Variants in NUMA1 observed in about 807,000 individuals in gnomAD.
The protein encoded by NUMA1 is nuclear mitotic apparatus protein 1, also known as SP-H antigen.
Under a neutral mutation model 237.1 loss-of-function variants are expected in NUMA1, and 62 were observed. That is an observed-to-expected ratio of 0.26 (90% CI 0.21 to 0.32). The LOEUF (loss-of-function observed/expected upper bound fraction) is 0.32. Among genes scored for constraint, NUMA1 ranks in the 10% least tolerant of loss-of-function variants. NUMA1 has a pLI of 1.00. For missense variants in NUMA1, 2,533 were observed against 2,666.5 expected (o/e 0.95, Z 1.10); for synonymous variants, 1,028 against 1,066.1 (o/e 0.96, Z 0.70).
At chr11:72,037,073 T>G (rs1243131804) in intron 2 of NUMA1, among the ~76,000 whole-genome samples, 1 of 152,236 alleles carries the variant, frequency 6.6e-6, no homozygotes, top group Non-Finnish European at 1.5e-5. Flanking sequence ...ACACCATTCT[T>G]GCCCAGAAGG....
Position 72,003,258 on chromosome 11 carries a change from G to T in NUMA1, c.*269C>A. ...AACCAGCCTCAAATCTGGTTGTGAT[G>T]GAGAAGTGACTTTGCTTTAAGAAAA... On this transcript the variant is annotated 3_prime_UTR_variant, in exon 27 of 27. Transcript: ENST00000393695. The T allele has an allele frequency of 1.9e-6, 1 of 517,672 alleles. No homozygotes were observed. The highest frequency in any genetic ancestry group is 3.5e-6 in the Non-Finnish European group (1 of 287,532). The allele number at this position is 517,672 out of a possible 1,614,324, so 32.1% of individuals were successfully genotyped here.
intron 2 of NUMA1, among the ~76,000 whole-genome samples, chr11:72,047,443 A>G (rs1189682403): frequency 6.6e-6 from 1 of 152,060 alleles, no homozygotes; most frequent in Non-Finnish European, 1.5e-5. Context: ...AGCTATGATC[A>G]TGCCACTGCA....
Position 72,017,765 on chromosome 11 carries a change from C to G in NUMA1, c.1041G>C (p.Glu347Asp). Residue 347 changes from glutamate (E) to aspartate (D), a missense_variant, in exon 13 of 27, where the codon GAG becomes GAC. This residue lies in a region of NUMA1 where 1,414 missense variants were observed against 1,508.1 expected (regional missense o/e 0.94). Transcript: ENST00000393695. ...GCCACTCCTGAGTGGCCTTGCTGTGCTCCTCCGTCAGCTCATTGAGGGCAT... is the reference window on the plus strand; with the variant it reads ...GCCACTCCTGAGTGGCCTTGCTGTGGTCCTCCGTCAGCTCATTGAGGGCAT... ...LQDALNELTE[E>D]HSKATQEWLE... The G allele has an allele frequency of 6.2e-7, 1 of 1,613,232 alleles. No individual in the cohort carries two copies. The highest frequency in any genetic ancestry group is 8.5e-7 in the Non-Finnish European group (1 of 1,179,868).
rs58179034 is a variant in NUMA1, at chr11:72,073,306, C to CAA, written c.-102-3397_-102-3396dup. On this transcript the variant is annotated intron_variant, in intron 1 of 26. Coordinates refer to ENST00000393695, the MANE Select transcript of NUMA1 (RefSeq NM_006185.4). ...TGGGTGACAGAGCGAGACCCTGTCTCAAAAAAAAAAAAAAAAAAGTTGCCC... is the reference window on the plus strand; with the variant it reads ...TGGGTGACAGAGCGAGACCCTGTCTCAAAAAAAAAAAAAAAAAAAAGTTGCCC... 2.2e-3 allele frequency among the ~76,000 whole-genome samples: 150 copies of CAA among 69,280 alleles called. 1 individual carries two copies. Among genetic ancestry groups the CAA allele is most frequent in the Admixed American group, 5.2e-3 (32 of 6,102 alleles). The allele number at this position is 69,280 out of a possible 152,430, so 45.5% of individuals were successfully genotyped here. A position where few individuals can be genotyped will look rare whatever the true frequency, so the allele number is the denominator to read the frequency against.
intron 1 of NUMA1, 59 bp from the exon 2 acceptor site, chr11:72,069,970 A>G (rs1943373133): frequency 1.3e-5 from 2 of 152,126 alleles, no homozygotes; most frequent in South Asian, 4.1e-4. Flanking sequence ...ACCCACTCTT[A>G]GTGAGCTCAG....
In NUMA1 at chr11:72,004,727, G is replaced by A. The variant is rs139277780; in HGVS notation, c.5919C>T (p.Ile1973=). ...ETLRRASMQP[I]QIAEGTGITT... The stretch of plus-strand genomic sequence containing the variant: ...TGATGCCAGTGCCCTCGGCTATCTG[G>A]ATTGGCTGCATGCTGGCTCGGCGCA... Residue 1973 remains isoleucine (I), a synonymous_variant, in exon 24 of 27, where the codon ATC becomes ATT. Transcript: ENST00000393695. The A allele has an allele frequency of 1.6e-4, 260 of 1,613,586 alleles. No homozygotes were observed. The African/African-American group carries it at 3.2e-3, about 20-fold the overall frequency.
At chr11:72,003,607 G>A in intron 26 of NUMA1, 69 bp from the exon 27 acceptor site, 2 of 1,585,498 alleles carry the variant, frequency 1.3e-6, no homozygotes, top group Non-Finnish European at 1.7e-6. Context: ...TGGCTGGGAA[G>A]ATCTCTTCCT....
rs757533835 is a variant in NUMA1, at chr11:72,014,282, G to A, written c.3221C>T (p.Ala1074Val). The change falls in exon 15 of 27, where the codon GCA becomes GTA. Residue 1074 changes from alanine (A) to valine (V), a missense_variant. Transcript: ENST00000393695. This position sits in a 1 kb window ranked among gnomAD's most constrained non-coding sequence, Gnocchi z 4.6. ...TTCCTCCAGCTCTTTTATCTGGGCT[G>A]CCTCCAGACCACGAAGCTTGGCCAA... The part of the protein sequence containing the change: ...QELAKLRGLE[A>V]AQIKELEELR... The A allele has an allele frequency of 6.2e-7, 1 of 1,613,934 alleles. No individual in the cohort carries two copies. The highest frequency in any genetic ancestry group is 1.1e-5 in the South Asian group (1 of 91,090).
At chr11:72,030,694 A>T (rs934301766) in intron 3 of NUMA1, among the ~76,000 whole-genome samples, 5 of 152,228 alleles carry the variant, frequency 3.3e-5, no homozygotes, top group African/African-American at 1.2e-4. Context: ...CAACACTAAG[A>T]GGGGAGAGAG....
At chr11:72,048,087 A>C (rs1164839305) in intron 2 of NUMA1, 1 of 151,988 alleles carries the variant, frequency 6.6e-6, no homozygotes, top group Non-Finnish European at 1.5e-5. Flanking sequence ...CCTTGTCCCT[A>C]TATTATTCTT....
intron 8 of NUMA1, chr11:72,020,540 C>T (rs1219085026): frequency 6.6e-6 from 1 of 152,176 alleles, no homozygotes; most frequent in Non-Finnish European, 1.5e-5. Flanking sequence ...TCTGCCTTTC[C>T]ACCTAGAACA....
intron 3 of NUMA1, among the ~76,000 whole-genome samples, chr11:72,032,811 T>A (rs1301558159): frequency 6.6e-6 from 1 of 152,238 alleles, no homozygotes; most frequent in Non-Finnish European, 1.5e-5. Context: ...TTAACTGCTG[T>A]TTACAGAATA....
In NUMA1 at chr11:72,014,579, T is replaced by G; in HGVS notation, c.2924A>C (p.Glu975Ala). The change falls in exon 15 of 27, where the codon GAG becomes GCG. Residue 975 changes from glutamate (E) to alanine (A), a missense_variant. Glu to Ala is a moderately radical substitution (Grantham distance 107). Coordinates refer to ENST00000393695, the MANE Select transcript of NUMA1 (RefSeq NM_006185.4). The surrounding 1 kb of genome is among the most constrained non-coding windows in gnomAD (Gnocchi z 4.6). ...AALQAMEREA[E>A]QMGNELERLR... Reference sequence around the variant, plus strand: ...CCGTTCCAGCTCATTGCCCATCTGCTCTGCCTCCCGCTCCATAGCCTGCAG... The same window carrying G: ...CCGTTCCAGCTCATTGCCCATCTGCGCTGCCTCCCGCTCCATAGCCTGCAG... 1 of 1,604,618 alleles carries G rather than the reference T, an allele frequency of 6.2e-7. No individual in the cohort carries two copies. Among genetic ancestry groups the G allele is most frequent in the Non-Finnish European group, 8.5e-7 (1 of 1,179,982 alleles).
chr11:72,078,842 G>T (rs567266473), intron 1 of NUMA1, among the ~76,000 whole-genome samples: 1 of 152,128 alleles, frequency 6.6e-6, no homozygotes, highest in African/African-American at 2.4e-5. Context: ...CCTCATGTTC[G>T]CCCCAGGTTC....
In NUMA1 at chr11:72,002,881, A is replaced by G. The variant is rs901811753; in HGVS notation, c.*646T>C. 1.3e-5 allele frequency: 3 copies of G among 222,744 alleles called. No homozygotes were observed. Among genetic ancestry groups the G allele is most frequent in the Non-Finnish European group, 2.7e-5 (3 of 111,304 alleles). The allele number at this position is 222,744 out of a possible 1,614,324, so 13.8% of individuals were successfully genotyped here. A position where few individuals can be genotyped will look rare whatever the true frequency, so the allele number is the denominator to read the frequency against. On this transcript the variant is annotated 3_prime_UTR_variant, in exon 27 of 27. Coordinates refer to ENST00000393695, the MANE Select transcript of NUMA1 (RefSeq NM_006185.4). The stretch of plus-strand genomic sequence containing the variant: ...CTCAGTACTCACGGGAGAAAAATAG[A>G]CTTTATTTACAAGTAATAACATTTA...
chr11:72,012,513 C>T, intron 15 of NUMA1, 71 bp from the exon 16 acceptor site: 1 of 1,405,452 alleles, frequency 7.1e-7, no homozygotes, highest in Non-Finnish European at 1.0e-6. Flanking sequence ...TGCTGCCAGG[C>T]TGACCTCACT....
chr11:72,022,566 A>G, intron 6 of NUMA1, 147 bp from the exon 7 acceptor site: 1 of 549,186 alleles, frequency 1.8e-6, no homozygotes, highest in East Asian at 3.0e-5. Flanking sequence ...CATCCTTAAC[A>G]GCTCCAGGAA....
chr11:72,079,444 GGCAGGGAACT>G (rs1210954960), intron 1 of NUMA1, among the ~76,000 whole-genome samples: 11 of 152,162 alleles, frequency 7.2e-5, no homozygotes, highest in African/African-American at 2.7e-4. Flanking sequence ...GGGAGGCTGA[GGCAGGGAACT>G]GTTTGAACCC....
intron 1 of NUMA1, among the ~76,000 whole-genome samples, chr11:72,078,895 C>T (rs1386909970): frequency 6.6e-6 from 1 of 152,166 alleles, no homozygotes; most frequent in African/African-American, 2.4e-5. Flanking sequence ...AGCAGAGAGG[C>T]CCAACTCCCT....
Sources: gnomAD v4.1 joint callset for allele counts (sites outside exome capture counted in the v4.1 genomes callset) on GRCh38, gnomAD v4.1.1 for gene constraint, gnomAD v4.1.1 regional missense constraint, Gnocchi (gnomAD v3.1) non-coding constraint, MANE v1.5 for transcripts, NCBI Gene and HGNC (gene_info 2026-07-23, HGNC 2026-07-21) for gene names.